The following ATP11A variants were observed in gnomAD, a reference collection of about 807,000 sequenced individuals.
The protein encoded by ATP11A is phospholipid-transporting ATPase IH.
Under a neutral mutation model 154.4 loss-of-function variants are expected in ATP11A, and 81 were observed. The observed-to-expected ratio is 0.52, with a 90% CI of 0.44 to 0.63. The LOEUF (loss-of-function observed/expected upper bound fraction) is 0.63. Ranked by LOEUF, ATP11A falls within the 30% of genes least tolerant of loss-of-function variation. The pLI, the probability that ATP11A is intolerant of heterozygous loss-of-function variation, is 0.00. For missense variants in ATP11A, 1,316 were observed against 1,474.3 expected (o/e 0.89, Z 1.76); for synonymous variants, 623 against 585.9 (o/e 1.06, Z -0.91).
chr13:112,860,418 C>G lies in ATP11A; in HGVS notation c.2855+4C>G. On this transcript the variant is annotated splice_donor_region_variant and intron_variant, in intron 24 of 29. Transcript: ENST00000375645. The stretch of plus-strand genomic sequence containing the variant: ...AGAGAGACCCGACCCTGTACAGGTA[C>G]CATCCTCCAAACAGCCTCTCCTGAG... 1 of 1,614,062 alleles carries G rather than the reference C, an allele frequency of 6.2e-7. No individual in the cohort carries two copies. Among genetic ancestry groups the G allele is most frequent in the East Asian group, 2.2e-5 (1 of 44,878 alleles).
At chr13:112,811,454 T>A (rs1270031457) in intron 5 of ATP11A, 1 of 151,952 alleles carries the variant, frequency 6.6e-6, no homozygotes. Flanking sequence ...CACGAACCAA[T>A]CAAGACAGAG....
chr13:112,792,062 C>T (rs997888072), intron 2 of ATP11A, among the ~76,000 whole-genome samples: 2 of 152,180 alleles, frequency 1.3e-5, no homozygotes, highest in African/African-American at 2.4e-5. Flanking sequence ...GCATTGAGAT[C>T]TTCGCTCTTC....
chr13:112,806,611 CATGCTGTTTATGGACTCCAGCAAATGGG>C (rs1434045310), intron 4 of ATP11A, among the ~76,000 whole-genome samples: 4 of 152,134 alleles, frequency 2.6e-5, no homozygotes, highest in Non-Finnish European at 4.4e-5. Context: ...CACCACAGAA[CATGCTGTTTATGGACTCCAGCAAATGGG>C]ATGCTGTTTT....
At chr13:112,700,284 G>C (rs955719164) in intron 1 of ATP11A, among the ~76,000 whole-genome samples, 1 of 152,174 alleles carries the variant, frequency 6.6e-6, no homozygotes, top group Non-Finnish European at 1.5e-5. Context: ...AATACGGGAA[G>C]GGCAGGAGAG....
chr13:112,831,270 C>A, intron 12 of ATP11A, 105 bp from the exon 13 acceptor site: 2 of 1,270,482 alleles, frequency 1.6e-6, no homozygotes, highest in Non-Finnish European at 2.2e-6. Context: ...ACCGCCTATT[C>A]AAGTCACAGT....
intron 5 of ATP11A, among the ~76,000 whole-genome samples, chr13:112,811,154 C>G (rs1460558320): frequency 1.0e-5 from 1 of 96,458 alleles, no homozygotes; most frequent in East Asian, 2.8e-4. Flanking sequence ...TACCCACTGC[C>G]CCTTCCAACA....
At chr13:112,808,839 C>T (rs1422513212) in intron 4 of ATP11A, among the ~76,000 whole-genome samples, 1 of 152,190 alleles carries the variant, frequency 6.6e-6, no homozygotes, top group Non-Finnish European at 1.5e-5. Flanking sequence ...TGCAGGGCCC[C>T]TCCGATCAGC....
intron 26 of ATP11A, 40 bp downstream of exon 26, chr13:112,871,840 T>C (rs1478366121): frequency 6.3e-7 from 1 of 1,585,384 alleles, no homozygotes; most frequent in African/African-American, 1.3e-5. Flanking sequence ...CCAGCCACAG[T>C]GAACCCCTGC....
At chr13:112,706,278 A>G (rs1887131072) in intron 1 of ATP11A, among the ~76,000 whole-genome samples, 1 of 152,220 alleles carries the variant, frequency 6.6e-6, no homozygotes, top group Admixed American at 6.5e-5. Flanking sequence ...TTTGCTTAAT[A>G]TGCTGAGAGC....
chr13:112,793,402 A>G (rs1216716815), intron 2 of ATP11A, among the ~76,000 whole-genome samples: 3 of 152,148 alleles, frequency 2.0e-5, no homozygotes, highest in South Asian at 4.1e-4. Context: ...GGGTTTTGCC[A>G]TTGTTGGCCA....
intron 1 of ATP11A, among the ~76,000 whole-genome samples, chr13:112,720,801 C>G (rs935241624): frequency 2.6e-5 from 4 of 152,170 alleles, no homozygotes; most frequent in Admixed American, 2.0e-4. Context: ...TGTGATCCAC[C>G]TGCCTTGGCC....
intron 1 of ATP11A, among the ~76,000 whole-genome samples, chr13:112,750,868 C>T (rs1266702554): frequency 3.3e-5 from 5 of 152,230 alleles, no homozygotes; most frequent in East Asian, 1.9e-4. Context: ...TGATAATTAC[C>T]GTCATCATGA....
At chr13:112,816,341 C>A in intron 6 of ATP11A, 130 bp downstream of exon 6, 2 of 1,182,218 alleles carry the variant, frequency 1.7e-6, no homozygotes, top group Non-Finnish European at 2.3e-6. Context: ...GGAGTTACAC[C>A]AGCCATGTTT....
intron 1 of ATP11A, among the ~76,000 whole-genome samples, chr13:112,694,409 G>A (rs1273559651): frequency 6.6e-6 from 1 of 152,140 alleles, no homozygotes; most frequent in Non-Finnish European, 1.5e-5. Flanking sequence ...TGTGGGTCCC[G>A]GCCTGCTGGC....
rs1031227993 is a variant in ATP11A at position 112,884,614 on chromosome 13, C to T, written c.*2748C>T. On this transcript the variant is annotated 3_prime_UTR_variant, in exon 30 of 30. Transcript: ENST00000375645. The stretch of plus-strand genomic sequence containing the variant: ...TTAGTATTTACTTGCCTTAAACTAA[C>T]TTTGAAGCAAGTAATGTCAACTTTG... 4 of 152,278 alleles carry T rather than the reference C, an allele frequency of 2.6e-5. No homozygotes were observed. The highest frequency in any genetic ancestry group is 2.1e-4 in the South Asian group (1 of 4,842). 9.4% of individuals were successfully genotyped at this position (152,278 alleles called of 1,614,324 possible). A position where few individuals can be genotyped will look rare whatever the true frequency, so the allele number is the denominator to read the frequency against.
intron 2 of ATP11A, among the ~76,000 whole-genome samples, chr13:112,795,120 C>T (rs2077966051): frequency 6.6e-6 from 1 of 151,634 alleles, no homozygotes; most frequent in African/African-American, 2.4e-5. Flanking sequence ...GGGGGGTTGC[C>T]TGTAATCCCA....
chr13:112,850,992 A>T, intron 17 of ATP11A, 45 bp from the exon 18 acceptor site: 1 of 1,582,088 alleles, frequency 6.3e-7, no homozygotes, highest in Non-Finnish European at 8.6e-7. Flanking sequence ...TATTTCAGCA[A>T]GTGACACCTT....
chr13:112,749,182 G>A (rs935738825), intron 1 of ATP11A, among the ~76,000 whole-genome samples: 5 of 152,212 alleles, frequency 3.3e-5, no homozygotes, highest in African/African-American at 9.6e-5. Context: ...CTCCATCTCC[G>A]CACAGTGCAG....
At chr13:112,698,640 T>G (rs1449803950) in intron 1 of ATP11A, among the ~76,000 whole-genome samples, 2 of 152,252 alleles carry the variant, frequency 1.3e-5, no homozygotes, top group Non-Finnish European at 2.9e-5. Context: ...TTTACCTTTG[T>G]AACTAGGGTT....
Sources: gnomAD v4.1 joint callset for allele counts (sites outside exome capture counted in the v4.1 genomes callset) on GRCh38, gnomAD v4.1.1 for gene constraint, MANE v1.5 for transcripts, NCBI Gene and HGNC (gene_info 2026-07-23, HGNC 2026-07-21) for gene names.